JAKMIP1: variants seen among roughly 807,000 people sequenced by gnomAD.
JAKMIP1 encodes the protein janus kinase and microtubule interacting protein 1.
In JAKMIP1, 33 loss-of-function variants were observed where a neutral mutation model predicts 113.0. The ratio of observed to expected loss-of-function variants is 0.29; its 90% CI spans 0.22 to 0.39. JAKMIP1 has a LOEUF of 0.39. JAKMIP1 is among the 10% of genes least tolerant of loss of function. The probability of loss-of-function intolerance (pLI) is 1.00; values close to 1 mark genes in which losing one functional copy is unlikely to be tolerated. For missense variants in JAKMIP1, 813 were observed against 1,080.5 expected (o/e 0.75, Z 3.47); for synonymous variants, 480 against 459.9 (o/e 1.04, Z -0.56).
intron 1 of JAKMIP1, among the ~76,000 whole-genome samples, chr4:6,122,880 G>T (rs1716905694): frequency 6.6e-6 from 1 of 152,140 alleles, no homozygotes; most frequent in Non-Finnish European, 1.5e-5. Context: ...TCAATTTCTT[G>T]ATCAGAAAAT....
chr4:6,075,067 T>C (rs1719505080), intron 8 of JAKMIP1, among the ~76,000 whole-genome samples: 1 of 151,974 alleles, frequency 6.6e-6, no homozygotes, highest in Non-Finnish European at 1.5e-5. Context: ...TATTGTTTAG[T>C]GAATAATGAA....
chr4:6,130,724 A>C (rs533274202), intron 1 of JAKMIP1, among the ~76,000 whole-genome samples: 25 of 152,350 alleles, frequency 1.6e-4, no homozygotes, highest in Non-Finnish European at 2.8e-4. Flanking sequence ...AATAAAAAGA[A>C]CTTTAACAGA....
chr4:6,180,210 C>T lies in JAKMIP1; in HGVS notation c.-148+20043G>A, dbSNP rs1725859810. On this transcript the variant is annotated intron_variant, in intron 1 of 20. Coordinates refer to ENST00000409021, the MANE Select transcript of JAKMIP1 (RefSeq NM_001099433.2). The surrounding 1 kb of genome is among the most constrained non-coding windows in gnomAD (Gnocchi z 4.5). The stretch of plus-strand genomic sequence containing the variant: ...CAGAAAACCACCAACTTCAATTCCC[C>T]ACCAAACATACCCACAAACAGAAAT... Among the ~76,000 whole-genome samples, 1 of 152,160 alleles carries T rather than the reference C, an allele frequency of 6.6e-6. No homozygotes were observed. Among genetic ancestry groups the T allele is most frequent in the African/African-American group, 2.4e-5 (1 of 41,428 alleles).
rs754240620 is a variant in JAKMIP1, at chr4:6,105,717, T to G, written c.380A>C (p.Lys127Thr). Reference protein sequence around the residue: ...LNVLRDGAADKVKTALLTEAR... With the variant: ...LNVLRDGAADTVKTALLTEAR... ...CTCGGTCAGCAGCGCCGTCTTGACCTTGTCGGCCGCGCCGTCGCGCAGCAC... is the reference window on the plus strand; with the variant it reads ...CTCGGTCAGCAGCGCCGTCTTGACCGTGTCGGCCGCGCCGTCGCGCAGCAC... Residue 127 changes from lysine to threonine, a missense_variant, in exon 3 of 21, where the codon AAG (lysine) becomes ACG (threonine). Coordinates refer to ENST00000409021, the MANE Select transcript of JAKMIP1 (RefSeq NM_001099433.2). 6.2e-7 allele frequency: 1 copy of G among 1,601,856 alleles called. No homozygotes were observed. Among genetic ancestry groups the G allele is most frequent in the Non-Finnish European group, 8.5e-7 (1 of 1,177,302 alleles).
In JAKMIP1 at chr4:6,136,403, A is replaced by ATTCCC. The variant is rs201275481; in HGVS notation, c.-147-23407_-147-23406insGGGAA. ...CCTAGTGATAATATCTCCCACTGGG[A>ATTCCC]GCAGGAATGAAGGAAGCAAAGCCAC... On this transcript the variant is annotated intron_variant, in intron 1 of 20. Transcript: ENST00000409021. The surrounding 1 kb of genome is among the most constrained non-coding windows in gnomAD (Gnocchi z 5.9). Among the ~76,000 whole-genome samples the ATTCCC allele has an allele frequency of 0.17, 25,670 of 151,990 alleles. 2,197 individuals carry two copies. Among genetic ancestry groups the ATTCCC allele is most frequent in the Middle Eastern group, 0.28 (81 of 294 alleles).
chr4:6,037,268 T>G (rs1371553329), intron 18 of JAKMIP1, among the ~76,000 whole-genome samples: 13 of 100,898 alleles, frequency 1.3e-4, no homozygotes, highest in African/African-American at 4.8e-4. Context: ...CATCACTGAG[T>G]CAGAGGTTAA....
chr4:6,067,129 G>A lies in JAKMIP1; in HGVS notation c.1303-2121C>T, dbSNP rs1249295501. Among the ~76,000 whole-genome samples, 1 of 152,164 alleles carries A rather than the reference G, an allele frequency of 6.6e-6. No homozygotes were observed. The highest frequency in any genetic ancestry group is 1.5e-5 in the Non-Finnish European group (1 of 68,034). On this transcript the variant is annotated intron_variant, in intron 8 of 20. Transcript: ENST00000409021. The surrounding 1 kb of genome is among the most constrained non-coding windows in gnomAD (Gnocchi z 4.6). The stretch of plus-strand genomic sequence containing the variant: ...ATAGCACATCTCCCCGCTGACGTAA[G>A]ATCTGGCAAGCTATTGTGTTTACTG...
chr4:6,047,260 C>T (rs2108763608), intron 16 of JAKMIP1, among the ~76,000 whole-genome samples: 1 of 152,368 alleles, frequency 6.6e-6, no homozygotes, highest in Non-Finnish European at 1.5e-5. Context: ...TCTCCCAGGG[C>T]CGTGCTCAGC....
In JAKMIP1 at chr4:6,157,374, C is replaced by T. The variant is rs917888667; in HGVS notation, c.-148+42879G>A. ...GCACAACACAGGGTTGTCCCAAGAA[C>T]CAAATGAGATTAAATTGAAAGCTCT... is the stretch of plus-strand genomic sequence containing the variant. On this transcript the variant is annotated intron_variant, in intron 1 of 20. Transcript: ENST00000409021. This position sits in a 1 kb window ranked among gnomAD's most constrained non-coding sequence, Gnocchi z 4.7. 1.3e-5 allele frequency among the ~76,000 whole-genome samples: 2 copies of T among 152,116 alleles called. No homozygotes were observed. The highest frequency in any genetic ancestry group is 4.8e-5 in the African/African-American group (2 of 41,418).
chr4:6,035,730 G>A (rs995631200), intron 19 of JAKMIP1, among the ~76,000 whole-genome samples, 174 bp downstream of exon 19: 10 of 152,224 alleles, frequency 6.6e-5, no homozygotes, highest in Non-Finnish European at 1.2e-4. Flanking sequence ...GTCTTGCCCC[G>A]TCACGGGGAG....
rs1553821445 is a variant in JAKMIP1 at position 6,081,014 on chromosome 4, C to CACACACACACACACACACA, written c.1101+594_1101+595insTGTGTGTGTGTGTGTGTGT. Among the ~76,000 whole-genome samples the CACACACACACACACACACA allele has an allele frequency of 4.6e-5, 7 of 151,342 alleles. No individual in the cohort carries two copies. The highest frequency in any genetic ancestry group is 7.3e-5 in the African/African-American group (3 of 41,266). On this transcript the variant is annotated intron_variant, in intron 6 of 20. Coordinates refer to ENST00000409021, the MANE Select transcript of JAKMIP1 (RefSeq NM_001099433.2). This position sits in a 1 kb window ranked among gnomAD's most constrained non-coding sequence, Gnocchi z 4.6. Reference sequence around the variant, plus strand: ...ACACACACACACACACACACACACACCTGCATCTGCTACAGTGCAGACAGC... The same window carrying CACACACACACACACACACA: ...ACACACACACACACACACACACACACACACACACACACACACACACTGCATCTGCTACAGTGCAGACAGC...
intron 11 of JAKMIP1, 138 bp from the exon 12 acceptor site, chr4:6,056,897 C>A: frequency 7.7e-6 from 5 of 649,822 alleles, no homozygotes; most frequent in Non-Finnish European, 1.4e-5. Context: ...GATGTGCCCT[C>A]ATTGTCCCTG....
intron 19 of JAKMIP1, among the ~76,000 whole-genome samples, chr4:6,032,969 C>A (rs192059953): frequency 6.6e-6 from 1 of 152,282 alleles, no homozygotes; most frequent in East Asian, 1.9e-4. Flanking sequence ...TCTCTGCAGG[C>A]CAACTGTGGC....
intron 8 of JAKMIP1, 24 bp downstream of exon 8, chr4:6,078,915 G>C (rs1720081070): frequency 6.2e-7 from 1 of 1,612,966 alleles, no homozygotes; most frequent in Non-Finnish European, 8.5e-7. Flanking sequence ...GCAAGGTAGG[G>C]CAGGTGCACC....
In JAKMIP1 at chr4:6,150,349, G is replaced by T. The variant is rs1035305024; in HGVS notation, c.-147-37352C>A. 13 of 152,204 alleles carry T rather than the reference G, an allele frequency of 8.5e-5. No homozygotes were observed. Among genetic ancestry groups the T allele is most frequent in the African/African-American group, 3.1e-4 (13 of 41,420 alleles). The allele number at this position is 152,204 out of a possible 1,614,324, so 9.4% of individuals were successfully genotyped here. ...CCTCAGAGAAAGCAAGCAGACTGCG[G>T]AGACCAGGGGCTGAGGTTGGCCCCC... On this transcript the variant is annotated intron_variant, in intron 1 of 20. Coordinates refer to ENST00000409021, the MANE Select transcript of JAKMIP1 (RefSeq NM_001099433.2). The surrounding 1 kb of genome is among the most constrained non-coding windows in gnomAD (Gnocchi z 4.8).
In JAKMIP1 at chr4:6,137,798, T is replaced by G. The variant is rs1719465358; in HGVS notation, c.-147-24801A>C. 6.6e-6 allele frequency among the ~76,000 whole-genome samples: 1 copy of G among 152,230 alleles called. No homozygotes were observed. Among genetic ancestry groups the G allele is most frequent in the African/African-American group, 2.4e-5 (1 of 41,464 alleles). Reference sequence around the variant, plus strand: ...GACCTGAACACAAGTGAGAGCCAGGTGGGGATAGGACAAGGTGCCCACTGG... The same window carrying G: ...GACCTGAACACAAGTGAGAGCCAGGGGGGGATAGGACAAGGTGCCCACTGG... On this transcript the variant is annotated intron_variant, in intron 1 of 20. Coordinates refer to ENST00000409021, the MANE Select transcript of JAKMIP1 (RefSeq NM_001099433.2). This position sits in a 1 kb window ranked among gnomAD's most constrained non-coding sequence, Gnocchi z 4.5.
At chr4:6,163,276 C>T (rs146832900) in intron 1 of JAKMIP1, among the ~76,000 whole-genome samples, 1 of 151,902 alleles carries the variant, frequency 6.6e-6, no homozygotes, top group Non-Finnish European at 1.5e-5. Context: ...ATTTTTCCAA[C>T]AGCCCACCTC....
At position 6,143,110 on chromosome 4, in the gene JAKMIP1, C is replaced by T. The variant is rs967635996; in HGVS notation, c.-147-30113G>A. ...GAGCAAGTTTCTCAGCCTCTCTGAGCCTCTGCCACCCACCTATTAAGCAGA... is the reference window on the plus strand; with the variant it reads ...GAGCAAGTTTCTCAGCCTCTCTGAGTCTCTGCCACCCACCTATTAAGCAGA... On this transcript the variant is annotated intron_variant, in intron 1 of 20. Coordinates refer to ENST00000409021, the MANE Select transcript of JAKMIP1 (RefSeq NM_001099433.2). The surrounding 1 kb of genome is among the most constrained non-coding windows in gnomAD (Gnocchi z 4.9). 2.0e-5 allele frequency among the ~76,000 whole-genome samples: 3 copies of T among 152,228 alleles called. No homozygotes were observed. Among genetic ancestry groups the T allele is most frequent in the African/African-American group, 7.2e-5 (3 of 41,460 alleles).
At position 6,064,991 on chromosome 4, in the gene JAKMIP1, T is replaced by C. The variant is rs1578134381; in HGVS notation, c.1320A>G (p.Thr440=). The C allele has an allele frequency of 6.2e-7, 1 of 1,614,164 alleles. No homozygotes were observed. Among genetic ancestry groups the C allele is most frequent in the Non-Finnish European group, 8.5e-7 (1 of 1,180,032 alleles). ...CAGACTCCTCATCAAATCCAAAAAA[T>C]GTCTCCACAACATGCTTCTGTAAAA... ...LKPPKKHVVE[T]FFGFDEESVD... The change falls in exon 9 of 21, where the codon ACA becomes ACG. Residue 440 remains threonine (T), a synonymous_variant. Transcript: ENST00000409021. This position sits in a 1 kb window ranked among gnomAD's most constrained non-coding sequence, Gnocchi z 4.3.
Sources: gnomAD v4.1 joint callset for allele counts (sites outside exome capture counted in the v4.1 genomes callset) on GRCh38, gnomAD v4.1.1 for gene constraint, Gnocchi (gnomAD v3.1) non-coding constraint, MANE v1.5 for transcripts, NCBI Gene and HGNC (gene_info 2026-07-23, HGNC 2026-07-21) for gene names.